Variants in ENPP2 observed in about 807,000 individuals in gnomAD.
The protein encoded by ENPP2 is ectonucleotide pyrophosphatase/phosphodiesterase 2.
Under a neutral mutation model 120.2 loss-of-function variants are expected in ENPP2, and 51 were observed. That is an observed-to-expected ratio of 0.42 (90% confidence interval 0.34 to 0.54). The LOEUF (loss-of-function observed/expected upper bound fraction) is 0.54. ENPP2 is among the 20% of genes least tolerant of loss of function. The pLI is 0.04. For synonymous variants in ENPP2, 365 were observed against 366.4 expected (o/e 1.00, Z 0.04); for missense variants, 920 against 1,066.5 (o/e 0.86, Z 1.91).
chr8:119,595,344 C>T (rs1481209470), intron 11 of ENPP2, among the ~76,000 whole-genome samples: 4 of 152,194 alleles, frequency 2.6e-5, no homozygotes, highest in African/African-American at 4.8e-5. Context: ...AAATTACATA[C>T]AACTCTATCC....
chr8:119,614,015 T>A (rs1587482531), intron 8 of ENPP2, among the ~76,000 whole-genome samples: 1 of 151,882 alleles, frequency 6.6e-6, no homozygotes, highest in East Asian at 1.9e-4. Flanking sequence ...ATGCCAAATT[T>A]CAATAAAATG....
intron 22 of ENPP2, among the ~76,000 whole-genome samples, chr8:119,565,397 C>T (rs1037263064): frequency 3.3e-5 from 5 of 152,162 alleles, no homozygotes; most frequent in Admixed American, 6.5e-5. Flanking sequence ...TTAAGCTTTA[C>T]CCCTGACCTT....
At chr8:119,661,017 A>T (rs1817905050) in intron 1 of ENPP2, among the ~76,000 whole-genome samples, 2 of 152,198 alleles carry the variant, frequency 1.3e-5, no homozygotes, top group Admixed American at 6.5e-5. Flanking sequence ...AAACAACCTG[A>T]TTTAAAGATG....
intron 7 of ENPP2, 59 bp downstream of exon 7, chr8:119,617,105 A>G (rs1338972963): frequency 9.3e-7 from 1 of 1,075,918 alleles, no homozygotes; most frequent in East Asian, 2.4e-5. Context: ...TCTCTCCTTT[A>G]AAGTCATTCC....
Position 119,569,215 on chromosome 8 carries a change from T to A in ENPP2, c.2053+20A>T. 1 of 1,613,048 alleles carries A rather than the reference T, an allele frequency of 6.2e-7. No individual in the cohort carries two copies. Among genetic ancestry groups the A allele is most frequent in the African/African-American group, 1.3e-5 (1 of 75,012 alleles). The stretch of plus-strand genomic sequence containing the variant: ...GTGACATCCCTCTGAAGGCATCAGA[T>A]CTTGATATTCTTAACTTACAAGGAG... On this transcript the variant is annotated intron_variant, in intron 21 of 24. Transcript: ENST00000075322.
At chr8:119,650,243 A>G (rs1323661556) in intron 1 of ENPP2, among the ~76,000 whole-genome samples, 2 of 152,336 alleles carry the variant, frequency 1.3e-5, no homozygotes, top group South Asian at 2.1e-4. Context: ...CACAAAAGCC[A>G]CATGTTTTAT....
chr8:119,560,808 C>G (rs1813865976), intron 24 of ENPP2, among the ~76,000 whole-genome samples: 1 of 146,620 alleles, frequency 6.8e-6, no homozygotes, highest in East Asian at 1.9e-4. Flanking sequence ...CTTCTGCTGA[C>G]TAACCAAGTA....
chr8:119,607,188 A>G lies in ENPP2; in HGVS notation c.833+734T>C, dbSNP rs561853859. Among the ~76,000 whole-genome samples the G allele has an allele frequency of 3.9e-5, 6 of 152,314 alleles. No individual in the cohort carries two copies. In the East Asian group the frequency reaches 1.2e-3, roughly 29 times the overall value. On this transcript the variant is annotated intron_variant, in intron 9 of 24. Coordinates refer to ENST00000075322, the MANE Select transcript of ENPP2 (RefSeq NM_001040092.3). ...TCCCCAGAGGCCTGAGACCATCTAGATATTTTTAAGTTGTGAACCAAAATA... is the reference window on the plus strand; with the variant it reads ...TCCCCAGAGGCCTGAGACCATCTAGGTATTTTTAAGTTGTGAACCAAAATA...
At chr8:119,599,561 G>A (rs1051333416) in intron 11 of ENPP2, among the ~76,000 whole-genome samples, 2 of 152,198 alleles carry the variant, frequency 1.3e-5, no homozygotes, top group Non-Finnish European at 2.9e-5. Context: ...TAAAAGGTTA[G>A]ATTTGCAAAC....
upstream of ENPP2, among the ~76,000 whole-genome samples, chr8:119,641,680 T>C (rs1280223937): frequency 6.6e-6 from 1 of 152,220 alleles, no homozygotes; most frequent in African/African-American, 2.4e-5. Flanking sequence ...CCCTGGAGCC[T>C]TGTTTAAAAT....
intron 2 of ENPP2, among the ~76,000 whole-genome samples, chr8:119,635,028 G>A (rs970289104): frequency 2.0e-5 from 3 of 152,136 alleles, no homozygotes; most frequent in South Asian, 2.1e-4. Context: ...CCTAATGACC[G>A]AGTTTTGCTC....
At chr8:119,616,223 G>A (rs762320520) in intron 8 of ENPP2, 42 bp downstream of exon 8, 1 of 1,544,344 alleles carries the variant, frequency 6.5e-7, no homozygotes, top group Non-Finnish European at 8.8e-7. Context: ...CTCAATACAT[G>A]AACACACAAA....
chr8:119,644,486 G>T (rs1472435584), intron 1 of ENPP2, among the ~76,000 whole-genome samples: 2 of 149,998 alleles, frequency 1.3e-5, no homozygotes, highest in African/African-American at 4.9e-5. Context: ...AAAGACATGG[G>T]GATAGGTATC....
rs572963904 is a variant in ENPP2 at position 119,636,811 on chromosome 8, T to C, written c.136+1614A>G. ...TTTTTTTTTAATCCAGAAAGAAAAG[T>C]AGAAATCATCTAAGTCTGCTCCTCA... On this transcript the variant is annotated intron_variant, in intron 2 of 24. Transcript: ENST00000075322. 7.2e-5 allele frequency among the ~76,000 whole-genome samples: 11 copies of C among 151,860 alleles called. No homozygotes were observed. The South Asian group carries it at 2.3e-3, about 32-fold the overall frequency.
intron 17 of ENPP2, 143 bp downstream of exon 17, chr8:119,583,574 C>T (rs1812896841): frequency 8.6e-6 from 5 of 578,884 alleles, no homozygotes; most frequent in Non-Finnish European, 1.6e-5. Flanking sequence ...TGTCTTTGAA[C>T]CAATGGGCAA....
intron 2 of ENPP2, among the ~76,000 whole-genome samples, chr8:119,627,624 G>A (rs1429330365): frequency 6.6e-6 from 1 of 152,058 alleles, no homozygotes; most frequent in Non-Finnish European, 1.5e-5. Flanking sequence ...CACTTTGGGA[G>A]GCCGAGGTCG....
At chr8:119,593,583 G>C (rs541103425) in intron 12 of ENPP2, among the ~76,000 whole-genome samples, 169 bp downstream of exon 12, 13 of 152,226 alleles carry the variant, frequency 8.5e-5, no homozygotes, top group Admixed American at 3.9e-4. Flanking sequence ...GGATCTCTCA[G>C]GTCATCTCAT....
At chr8:119,573,407 T>TAAAAAA (rs1563680979) in intron 19 of ENPP2, among the ~76,000 whole-genome samples, 15 of 71,548 alleles carry the variant, frequency 2.1e-4, no homozygotes, top group African/African-American at 9.9e-4. Context: ...GCTCCGTCTC[T>TAAAAAA]TAAAAAAAAA....
chr8:119,621,616 T>G (rs1380004321), intron 3 of ENPP2, 97 bp from the exon 4 acceptor site: 10 of 1,316,736 alleles, frequency 7.6e-6, no homozygotes, highest in Admixed American at 1.8e-5. Context: ...AAAGCTAAAA[T>G]CTCACATCAT....
Sources: allele counts gnomAD v4.1 joint callset (sites outside exome capture counted in the v4.1 genomes callset), GRCh38; gene constraint gnomAD v4.1.1; transcripts MANE v1.5; gene names NCBI Gene and HGNC (gene_info 2026-07-23, HGNC 2026-07-21).